The following CMAS variants were observed in gnomAD, a reference collection of about 807,000 sequenced individuals.
The protein encoded by CMAS is N-acylneuraminate cytidylyltransferase.
Under a neutral mutation model 53.4 loss-of-function variants are expected in CMAS, and 21 were observed. The observed-to-expected ratio is 0.39, with a 90% CI of 0.28 to 0.57. The LOEUF (loss-of-function observed/expected upper bound fraction) is 0.57. Ranked by LOEUF, CMAS falls within the 20% of genes least tolerant of loss-of-function variation. The probability of loss-of-function intolerance (pLI) is 0.56; values close to 1 mark genes in which losing one functional copy is unlikely to be tolerated. For synonymous variants in CMAS, 189 were observed against 195.2 expected, an observed-to-expected ratio of 0.97 and a Z score of 0.27; for missense variants, 384 against 534.9, an observed-to-expected ratio of 0.72 and a Z score of 2.78.
chr12:22,057,498 A>G (rs1021186297), intron 3 of CMAS, among the ~76,000 whole-genome samples: 1 of 152,202 alleles, frequency 6.6e-6, no homozygotes, highest in African/African-American at 2.4e-5. Context: ...AAAATCTTCA[A>G]TAATTTAATG....
chr12:22,052,378 A>AGAAG lies in CMAS; in HGVS notation c.261-2758_261-2755dup, dbSNP rs71053370. Reference sequence around the variant, plus strand: ...CATAAATTAAGGATGAATGAACGAAAGAAGGAAGGAAGGAAGAAAAGCAAA... The same window carrying AGAAG: ...CATAAATTAAGGATGAATGAACGAAAGAAGGAAGGAAGGAAGGAAGAAAAGCAAA... On this transcript the variant is annotated intron_variant, in intron 1 of 7. Transcript: ENST00000229329. 3.0e-3 allele frequency among the ~76,000 whole-genome samples: 458 copies of AGAAG among 152,126 alleles called. 2 individuals are homozygous for AGAAG. Among genetic ancestry groups the AGAAG allele is most frequent in the African/African-American group, 1.0e-2 (415 of 41,550 alleles).
intron 1 of CMAS, 37 bp downstream of exon 1, chr12:22,046,600 G>A (rs1406886683): frequency 3.6e-5 from 53 of 1,489,662 alleles, no homozygotes; most frequent in Non-Finnish European, 4.5e-5. Flanking sequence ...CGGCCTGGGC[G>A]GGGGTCGGGA....
rs139424013 is a variant in CMAS at position 22,049,873 on chromosome 12, C to G, written c.260+3310C>G. Among the ~76,000 whole-genome samples, 82 of 150,394 alleles carry G rather than the reference C, an allele frequency of 5.5e-4. 1 individual carries two copies. The highest frequency in any genetic ancestry group is 1.9e-3 in the African/African-American group (78 of 40,804). On this transcript the variant is annotated intron_variant, in intron 1 of 7. Coordinates refer to ENST00000229329, the MANE Select transcript of CMAS (RefSeq NM_018686.6). ...TGAGCCGAGACTGGACCACTGCACT[C>G]TAGCCTGGGCAACAGAGCAAGACTC...
intron 7 of CMAS, among the ~76,000 whole-genome samples, chr12:22,064,319 A>G (rs1025856553): frequency 3.9e-5 from 6 of 152,124 alleles, no homozygotes; most frequent in African/African-American, 1.4e-4. Context: ...GGATATCGTT[A>G]TGTCAGTATG....
chr12:22,056,465 A>G (rs890936797), intron 3 of CMAS, among the ~76,000 whole-genome samples: 9 of 152,180 alleles, frequency 5.9e-5, no homozygotes, highest in South Asian at 4.1e-4. Flanking sequence ...CTTTGATTCA[A>G]TTAGGAGTTG....
intron 5 of CMAS, 135 bp downstream of exon 5, chr12:22,061,061 T>C (rs376297485): frequency 1.5e-6 from 1 of 688,106 alleles, no homozygotes; most frequent in Non-Finnish European, 2.5e-6. Flanking sequence ...ATGTAAAATA[T>C]GTGTTTACAT....
Position 22,061,309 on chromosome 12 carries a change from A to C in CMAS, c.817A>C (p.Lys273Gln), listed in dbSNP as rs371209474. The C allele has an allele frequency of 1.9e-6, 3 of 1,612,058 alleles. No homozygotes were observed. The African/African-American group carries it at 4.0e-5, about 22-fold the overall frequency. The change falls in exon 6 of 8, where the codon AAG becomes CAG. Residue 273 changes from lysine (K) to glutamine (Q), a missense_variant. This residue lies in a region of CMAS where 139 missense variants were observed against 248.0 expected (regional missense o/e 0.56). Transcript: ENST00000229329. ...RYGYFGKEKL[K>Q]EIKLLVCNID... Reference sequence around the variant, plus strand: ...TGGCTATTTTGGCAAAGAGAAGCTTAAGGAAATAAAACTTTTGGTTTGCAA... The same window carrying C: ...TGGCTATTTTGGCAAAGAGAAGCTTCAGGAAATAAAACTTTTGGTTTGCAA...
chr12:22,058,480 G>T, intron 3 of CMAS, 87 bp from the exon 4 acceptor site: 1 of 1,176,558 alleles, frequency 8.5e-7, no homozygotes, highest in Non-Finnish European at 1.2e-6. Context: ...TGCATTCTGA[G>T]TTCATTTTTA....
intron 4 of CMAS, chr12:22,060,510 C>T (rs996038173): frequency 5.7e-5 from 10 of 174,408 alleles, no homozygotes; most frequent in Non-Finnish European, 9.7e-5. Flanking sequence ...AAAATTTAGC[C>T]GGACATGGTG....
In CMAS at chr12:22,061,440, A is replaced by G; in HGVS notation, c.948A>G (p.Lys316=). The stretch of plus-strand genomic sequence containing the variant: ...CTATTGGGATAAGTTTATTAAAGAA[A>G]AGTGGTATTGAGGTATGTGCTCCCT... ...KDAIGISLLK[K]SGIEVRLISE... The change falls in exon 6 of 8, where the codon AAA becomes AAG. Residue 316 remains lysine (K), a synonymous_variant. Coordinates refer to ENST00000229329, the MANE Select transcript of CMAS (RefSeq NM_018686.6). 2 of 1,588,652 alleles carry G rather than the reference A, an allele frequency of 1.3e-6. No homozygotes were observed. The highest frequency in any genetic ancestry group is 1.7e-6 in the Non-Finnish European group (2 of 1,163,630).
chr12:22,051,914 C>G (rs1436174729), intron 1 of CMAS, among the ~76,000 whole-genome samples: 2 of 152,000 alleles, frequency 1.3e-5, no homozygotes, highest in African/African-American at 4.8e-5. Flanking sequence ...ATATTTAATC[C>G]TCTAAACCAT....
At chr12:22,058,179 C>G (rs1198921403) in intron 3 of CMAS, among the ~76,000 whole-genome samples, 1 of 151,222 alleles carries the variant, frequency 6.6e-6, no homozygotes, top group East Asian at 2.0e-4. Flanking sequence ...GTAATTCCAG[C>G]ACTTTGGGAG....
intron 1 of CMAS, among the ~76,000 whole-genome samples, chr12:22,047,364 A>T (rs541218860): frequency 1.3e-5 from 2 of 152,328 alleles, no homozygotes; most frequent in South Asian, 4.1e-4. Context: ...GAATTTACAC[A>T]TATAGCTTCA....
At chr12:22,062,486 T>TACTTA in intron 7 of CMAS, 52 bp downstream of exon 7, 1 of 1,552,794 alleles carries the variant, frequency 6.4e-7, no homozygotes. Context: ...ATTAATTATT[T>TACTTA]ACTTATTTTT....
intron 3 of CMAS, 135 bp downstream of exon 3, chr12:22,055,745 A>C: frequency 1.4e-6 from 1 of 695,524 alleles, no homozygotes; most frequent in East Asian, 2.9e-5. Flanking sequence ...TTTAGTAGGT[A>C]ATGACATTTA....
Position 22,062,294 on chromosome 12 carries a change from CAGAA to C in CMAS, c.977_980del (p.Glu326GlyfsTer11). 3 of 1,575,222 alleles carry C rather than the reference CAGAA, an allele frequency of 1.9e-6. No individual in the cohort carries two copies. The highest frequency in any genetic ancestry group is 2.6e-6 in the Non-Finnish European group (3 of 1,164,636). Reference sequence around the variant, plus strand: ...TTTTTTTTTAAGGTGAGGCTAATCTCAGAAAGGGCCTGTTCAAAGCAGACGCTGT... The same window carrying C: ...TTTTTTTTTAAGGTGAGGCTAATCTCAGGGCCTGTTCAAAGCAGACGCTGT... On this transcript the variant is annotated frameshift_variant, in exon 7 of 8. Transcript: ENST00000229329. LOFTEE classifies it high-confidence loss of function.
intron 7 of CMAS, among the ~76,000 whole-genome samples, chr12:22,063,570 TAA>T (rs1950322804): frequency 6.6e-6 from 1 of 152,080 alleles, no homozygotes; most frequent in South Asian, 2.1e-4. Context: ...CAGATAGTAA[TAA>T]GTGTATCATT....
rs1244409746 is a variant in CMAS, at chr12:22,065,146, C to T, written c.1140C>T (p.Cys380=). Residue 380 remains cysteine, a synonymous_variant, in exon 8 of 8, where the codon TGC becomes TGT. Transcript: ENST00000229329. ...GAAATGAAGTGTCTGATGAAGAGTG[C>T]TTGAAGAGAGTGGGCCTAAGTGGCG... ...YLGNEVSDEE[C]LKRVGLSGAP... 7 of 1,612,950 alleles carry T rather than the reference C, an allele frequency of 4.3e-6. No homozygotes were observed. In the African/African-American group the frequency reaches 6.7e-5, roughly 15 times the overall value.
At chr12:22,053,121 C>T (rs1950246454) in intron 1 of CMAS, among the ~76,000 whole-genome samples, 1 of 151,820 alleles carries the variant, frequency 6.6e-6, no homozygotes. Flanking sequence ...TGGCAAAACC[C>T]CATCTTTACT....
Sources: allele counts gnomAD v4.1 joint callset (sites outside exome capture counted in the v4.1 genomes callset), GRCh38; gene constraint gnomAD v4.1.1; regional missense constraint gnomAD v4.1.1; transcripts MANE v1.5; gene names NCBI Gene and HGNC (gene_info 2026-07-23, HGNC 2026-07-21).